The following HEPH variants were observed in gnomAD, a reference collection of about 807,000 sequenced individuals.
The protein encoded by HEPH is hephaestin.
Under a neutral mutation model 80.8 loss-of-function variants are expected in HEPH, and 69 were observed. The ratio of observed to expected loss-of-function variants is 0.85; its 90% CI spans 0.70 to 1.04. HEPH has a LOEUF of 1.04. Ranked by LOEUF, HEPH falls within the 50% of genes least tolerant of loss-of-function variation. HEPH has a pLI of 0.00. For synonymous variants in HEPH, 431 were observed against 322.8 expected (o/e 1.34, Z -3.60); for missense variants, 1,115 against 891.3 (o/e 1.25, Z -3.20).
intron 15 of HEPH, among the ~76,000 whole-genome samples, chrX:66,232,292 T>A (rs943353701): frequency 4.5e-5 from 5 of 111,246 alleles, no homozygotes; most frequent in African/African-American, 1.3e-4. Context: ...GCTGGCCTCA[T>A]AAAATGAGTT....
At chrX:66,247,677 C>G (rs1434853190) in intron 15 of HEPH, among the ~76,000 whole-genome samples, 1 of 111,054 alleles carries the variant, frequency 9.0e-6, no homozygotes, top group East Asian at 2.8e-4. Flanking sequence ...TTACATGAAC[C>G]AAAAAGTAAA....
intron 4 of HEPH, among the ~76,000 whole-genome samples, chrX:66,177,459 A>AT (rs779015957): frequency 9.0e-6 from 1 of 111,321 alleles, no homozygotes; most frequent in South Asian, 3.7e-4. Flanking sequence ...GGAGGATTGT[A>AT]TTTTTACAGG....
intron 15 of HEPH, among the ~76,000 whole-genome samples, chrX:66,242,559 C>T (rs2090640425): frequency 9.0e-6 from 1 of 111,436 alleles, no homozygotes; most frequent in African/African-American, 3.3e-5. Context: ...AATAAACTAC[C>T]AACAAAGGAA....
intron 8 of HEPH, 112 bp downstream of exon 8, chrX:66,193,750 C>A: frequency 2.1e-6 from 1 of 484,033 alleles, no homozygotes; most frequent in Non-Finnish European, 3.3e-6. Context: ...CAGCATCTCC[C>A]AAAGTGAGTC....
downstream of HEPH, chrX:66,268,624 G>A (rs1406687169): frequency 8.9e-6 from 1 of 111,898 alleles, no homozygotes; most frequent in East Asian, 2.8e-4. Flanking sequence ...GAGGTTCTTA[G>A]CTTGGTCTCA....
chrX:66,200,375 C>T lies in HEPH; in HGVS notation c.1865-165C>T, dbSNP rs187807885. 321 of 443,892 alleles carry T rather than the reference C, an allele frequency of 7.2e-4. 1 individual carries two copies. Among genetic ancestry groups the T allele is most frequent in the African/African-American group, 5.8e-3 (231 of 39,609 alleles). 36.6% of individuals were successfully genotyped at this position (443,892 alleles called of 1,213,427 possible). ...CTCATCCCAAAGACAGAGATATTCACGAGTAGAGTTAAAGTGGCATAGAGA... is the reference window on the plus strand; with the variant it reads ...CTCATCCCAAAGACAGAGATATTCATGAGTAGAGTTAAAGTGGCATAGAGA... On this transcript the variant is annotated intron_variant, in intron 11 of 20. Coordinates refer to ENST00000343002, the MANE Select transcript of HEPH (RefSeq NM_001367233.3).
chrX:66,207,052 GAAA>G (rs984551704), intron 13 of HEPH, 140 bp from the exon 14 acceptor site: 68 of 321,412 alleles, frequency 2.1e-4, no homozygotes, highest in African/African-American at 1.9e-3. Flanking sequence ...TTAAAAAAAA[GAAA>G]AAAAAAGAAA....
intron 2 of HEPH, 68 bp downstream of exon 2, chrX:66,170,805 T>C (rs1602192134): frequency 1.0e-6 from 1 of 964,440 alleles, no homozygotes. Flanking sequence ...GGAAGTAGCC[T>C]CTTGAGGCCC....
At chrX:66,232,141 G>A (rs750511118) in intron 15 of HEPH, among the ~76,000 whole-genome samples, 1 of 110,558 alleles carries the variant, frequency 9.0e-6, no homozygotes, top group Non-Finnish European at 1.9e-5. Flanking sequence ...CTTGATCATG[G>A]TGGATAAGCT....
intron 4 of HEPH, among the ~76,000 whole-genome samples, chrX:66,179,413 T>A (rs1424830927): frequency 8.9e-6 from 1 of 111,958 alleles, no homozygotes; most frequent in East Asian, 2.8e-4. Context: ...TGCTTAGGAT[T>A]GACTTGGCAA....
chrX:66,194,450 C>T (rs1021542339), intron 8 of HEPH, among the ~76,000 whole-genome samples: 1 of 111,495 alleles, frequency 9.0e-6, no homozygotes, highest in Non-Finnish European at 1.9e-5. Context: ...GAAACTCTGA[C>T]CAAGAGTTAG....
chrX:66,183,929 ATCT>A (rs2087279372), intron 4 of HEPH, among the ~76,000 whole-genome samples: 1 of 13,424 alleles, frequency 7.4e-5, no homozygotes, highest in Non-Finnish European at 1.1e-4. Flanking sequence ...TTCAAAGAAC[ATCT>A]TTATTTCTGC....
intron 4 of HEPH, among the ~76,000 whole-genome samples, chrX:66,182,004 A>C (rs2087183026): frequency 9.1e-6 from 1 of 109,654 alleles, no homozygotes; most frequent in African/African-American, 3.3e-5. Flanking sequence ...AAGATAAGAT[A>C]GTTGTAGATA....
chrX:66,243,462 G>T (rs1175559954), intron 15 of HEPH, among the ~76,000 whole-genome samples: 1 of 112,506 alleles, frequency 8.9e-6, no homozygotes, highest in Admixed American at 9.4e-5. Flanking sequence ...TTTAAAGTCT[G>T]TTTTGTCTGA....
In HEPH at chrX:66,200,760, C is replaced by T. The variant is rs1051263067; in HGVS notation, c.2077+8C>T. The stretch of plus-strand genomic sequence containing the variant: ...TGCAGCCTGACAACCTTGGTAAGTG[C>T]CTTAGCAGCTGGCCCTAGAGGCTTT... On this transcript the variant is annotated splice_region_variant and intron_variant, in intron 12 of 20. Coordinates refer to ENST00000343002, the MANE Select transcript of HEPH (RefSeq NM_001367233.3). The T allele has an allele frequency of 1.2e-5, 14 of 1,195,245 alleles. No individual in the cohort carries two copies. In the African/African-American group the frequency reaches 2.1e-4, roughly 18 times the overall value.
At chrX:66,165,927 G>GA (rs914384455) in intron 1 of HEPH, among the ~76,000 whole-genome samples, 7 of 110,161 alleles carry the variant, frequency 6.4e-5, no homozygotes, top group African/African-American at 9.9e-5. Context: ...GCTTAGCTGA[G>GA]AAAAAAAATA....
At chrX:66,207,735 A>T (rs1380261711) in intron 14 of HEPH, among the ~76,000 whole-genome samples, 1 of 111,615 alleles carries the variant, frequency 9.0e-6, no homozygotes, top group East Asian at 2.8e-4. Context: ...TACAGAAGGG[A>T]CCCACTGACT....
At chrX:66,248,955 A>G (rs751599701) in intron 15 of HEPH, among the ~76,000 whole-genome samples, 13 of 111,738 alleles carry the variant, frequency 1.2e-4, no homozygotes, top group Non-Finnish European at 2.3e-4. Context: ...TTTCTTATTC[A>G]TATCTAAGTA....
At chrX:66,188,311 T>A in intron 4 of HEPH, 48 bp from the exon 5 acceptor site, 1 of 1,006,825 alleles carries the variant, frequency 9.9e-7, no homozygotes, top group Non-Finnish European at 1.3e-6. Context: ...CAGCTTACTA[T>A]TGCTAAGGAA....
Sources: gnomAD v4.1 joint callset for allele counts (sites outside exome capture counted in the v4.1 genomes callset) on GRCh38, gnomAD v4.1.1 for gene constraint, MANE v1.5 for transcripts, NCBI Gene and HGNC (gene_info 2026-07-23, HGNC 2026-07-21) for gene names.